CHD1L: variants seen among roughly 807,000 people sequenced by gnomAD.
CHD1L encodes the protein ATP-dependent chromatin remodeler CHD1L.
CHD1L carries 118 observed loss-of-function variants against 115.9 expected under a neutral mutation model. That is an observed-to-expected ratio of 1.02 (90% CI 0.88 to 1.19). The LOEUF (loss-of-function observed/expected upper bound fraction) is 1.19. Ranked by LOEUF, CHD1L falls within the 50% of genes most tolerant of loss-of-function variation. The probability of loss-of-function intolerance (pLI) is 0.00; values close to 1 mark genes in which losing one functional copy is unlikely to be tolerated. For missense variants in CHD1L, 1,179 were observed against 1,065.3 expected (o/e 1.11, Z -1.49); for synonymous variants, 411 against 387.1 (o/e 1.06, Z -0.72).
chr1:147,257,731 T>C (rs1236625538), intron 5 of CHD1L, among the ~76,000 whole-genome samples: 1 of 152,228 alleles, frequency 6.6e-6, no homozygotes, highest in Non-Finnish European at 1.5e-5. Context: ...TTATTCATTT[T>C]ACGGGTGAGG....
the CHD1L span, among the ~76,000 whole-genome samples, chr1:147,232,501 C>T: frequency 1.3e-5 from 2 of 152,084 alleles, no homozygotes; most frequent in Non-Finnish European, 2.9e-5. Context: ...CTCCCTCTCC[C>T]CATGGTCTCC....
chr1:147,259,145 C>A (rs1671084634), intron 5 of CHD1L: 1 of 152,186 alleles, frequency 6.6e-6, no homozygotes, highest in South Asian at 2.1e-4. Context: ...TCTTAAATAG[C>A]TTCTCAGTAG....
the CHD1L span, chr1:147,212,603 TG>T: frequency 1.5e-3 from 2,240 of 1,462,730 alleles, 7 homozygotes; most frequent in African/African-American, 0.017. Flanking sequence ...TCAAGTCATT[TG>T]TTTTTTTTGC....
chr1:147,203,622 TA>T, the CHD1L span: 3 of 1,232,468 alleles, frequency 2.4e-6, no homozygotes, highest in Non-Finnish European at 3.6e-6. Context: ...AACTTCTTAA[TA>T]GCGTACTGTT....
At chr1:147,179,187 T>C in the CHD1L span, 3 of 1,613,992 alleles carry the variant, frequency 1.9e-6, no homozygotes, top group African/African-American at 4.0e-5. Context: ...ATTACTTTGA[T>C]GGCAATCTGA....
the CHD1L span, chr1:147,203,551 C>T: frequency 1.0e-6 from 1 of 959,034 alleles, no homozygotes; most frequent in Non-Finnish European, 1.7e-6. Context: ...GGCCTTAACT[C>T]CAGAGTTTTC....
chr1:147,184,722 A>G, the CHD1L span: 5 of 1,322,982 alleles, frequency 3.8e-6, no homozygotes, highest in Non-Finnish European at 4.9e-6. The surrounding 1 kb of genome is among the most constrained non-coding windows in gnomAD (Gnocchi z 4.4). Flanking sequence ...AGTGTGACTT[A>G]TTACTGTTAG....
At chr1:147,213,249 C>A in the CHD1L span, 1 of 1,385,998 alleles carries the variant, frequency 7.2e-7, no homozygotes, top group South Asian at 1.6e-5. Flanking sequence ...TCCTCCCATT[C>A]CTCAGGGGTC....
At chr1:147,207,792 C>G in the CHD1L span, among the ~76,000 whole-genome samples, 2 of 152,146 alleles carry the variant, frequency 1.3e-5, no homozygotes, top group Non-Finnish European at 2.9e-5. Context: ...AAATCCCACC[C>G]TTAGGGCAAA....
rs1315162831 is a variant in CHD1L, at chr1:147,265,978, G to A, written c.786G>A (p.Val262=). 6.2e-7 allele frequency: 1 copy of A among 1,613,672 alleles called. No individual in the cohort carries two copies. Among genetic ancestry groups the A allele is most frequent in the African/African-American group, 1.3e-5 (1 of 74,872 alleles). The change falls in exon 8 of 23, where the codon GTG becomes GTA. Residue 262 remains valine, a synonymous_variant. Transcript: ENST00000369258. Reference sequence around the variant, plus strand: ...TGCAGCCATTTCTGCTGAGGCGAGTGAAAGCTGAGGTAGCTACAGAGCTTC... The same window carrying A: ...TGCAGCCATTTCTGCTGAGGCGAGTAAAAGCTGAGGTAGCTACAGAGCTTC... The part of the protein sequence containing the change: ...KLLQPFLLRR[V]KAEVATELPK...
intron 1 of CHD1L, among the ~76,000 whole-genome samples, chr1:147,246,923 C>T (rs1666804992): frequency 6.6e-6 from 1 of 152,086 alleles, no homozygotes. Flanking sequence ...ATTCCCAGAT[C>T]CTAAAGAGTT....
the CHD1L span, chr1:147,178,193 T>G: frequency 6.2e-7 from 1 of 1,612,400 alleles, no homozygotes; most frequent in Admixed American, 1.7e-5. Flanking sequence ...GCCTCCGACG[T>G]GCTAGGACTC....
chr1:147,189,574 A>T, the CHD1L span, among the ~76,000 whole-genome samples: 1 of 152,148 alleles, frequency 6.6e-6, no homozygotes, highest in Non-Finnish European at 1.5e-5. Context: ...ATCAATTTCC[A>T]CTTTGTCCAA....
the CHD1L span, among the ~76,000 whole-genome samples, chr1:147,180,972 G>A: frequency 4.6e-5 from 7 of 152,284 alleles, no homozygotes; most frequent in South Asian, 2.1e-4. Flanking sequence ...TGAGAAACGC[G>A]GCCTAGACAA....
chr1:147,207,875 G>T, the CHD1L span, among the ~76,000 whole-genome samples: 2 of 152,134 alleles, frequency 1.3e-5, no homozygotes, highest in Non-Finnish European at 2.9e-5. Flanking sequence ...GGAGGTAATG[G>T]TATGGGGATC....
At chr1:147,219,575 G>T in the CHD1L span, among the ~76,000 whole-genome samples, 2 of 152,104 alleles carry the variant, frequency 1.3e-5, no homozygotes, top group East Asian at 3.9e-4. Flanking sequence ...CTGGGAACAA[G>T]GTAAGGATGT....
chr1:147,286,600 T>C, intron 18 of CHD1L, 100 bp downstream of exon 18: 1 of 1,030,238 alleles, frequency 9.7e-7, no homozygotes, highest in Non-Finnish European at 1.5e-6. Context: ...GGTCCCAGTG[T>C]AGTATTGTAC....
In CHD1L at chr1:147,261,412, T is replaced by TTA. The variant is rs1553119576; in HGVS notation, c.576+1501_576+1502dup. On this transcript the variant is annotated intron_variant, in intron 6 of 22. Coordinates refer to ENST00000369258, the MANE Select transcript of CHD1L (RefSeq NM_004284.6). ...AATGCTGCATGACACTTTTTTTTTTTTATATATAAAGGCCTTAATCTTATT... is the reference window on the plus strand; with the variant it reads ...AATGCTGCATGACACTTTTTTTTTTTTATATATATAAAGGCCTTAATCTTATT... 5.3e-3 allele frequency among the ~76,000 whole-genome samples: 786 copies of TTA among 147,432 alleles called. 5 individuals carry two copies. The highest frequency in any genetic ancestry group is 8.4e-3 in the Non-Finnish European group (568 of 67,626).
chr1:147,232,596 C>T, the CHD1L span, among the ~76,000 whole-genome samples: 1 of 151,828 alleles, frequency 6.6e-6, no homozygotes, highest in Non-Finnish European at 1.5e-5. Flanking sequence ...TGCAACCTCC[C>T]TGCCTGATTC....
Sources: allele counts gnomAD v4.1 joint callset (sites outside exome capture counted in the v4.1 genomes callset), GRCh38; gene constraint gnomAD v4.1.1; non-coding constraint Gnocchi (gnomAD v3.1); transcripts MANE v1.5; gene names NCBI Gene and HGNC (gene_info 2026-07-23, HGNC 2026-07-21).